Variants in TNRC18 observed in about 807,000 individuals in gnomAD.
TNRC18 encodes the protein trinucleotide repeat containing 18.
A neutral mutation model predicts 226.7 loss-of-function variants in TNRC18; 69 were observed. The observed-to-expected ratio is 0.30, with a 90% CI of 0.25 to 0.37. TNRC18 has a LOEUF of 0.37. TNRC18 is among the 10% of genes least tolerant of loss of function. The pLI is 1.00. For missense variants in TNRC18, 4,754 were observed against 4,256.6 expected, an observed-to-expected ratio of 1.12 and a Z score of -3.25; for synonymous variants, 2,449 against 1,927.6, an observed-to-expected ratio of 1.27 and a Z score of -7.09.
chr7:5,400,605 C>G (rs535122421), intron 2 of TNRC18, among the ~76,000 whole-genome samples: 1 of 152,134 alleles, frequency 6.6e-6, no homozygotes, highest in Non-Finnish European at 1.5e-5. Context: ...GAGTGAGACT[C>G]TCTCTCAAAT....
rs1162527167 is a variant in TNRC18, at chr7:5,361,841, G to A, written c.4532+56C>T. On this transcript the variant is annotated intron_variant, in intron 13 of 29. Transcript: ENST00000430969. ...ACACCTCGACGGCTGCTGCGCGCCT[G>A]GGGGCCTGGTGGGCCGGGGCAGGGG... The A allele has an allele frequency of 2.0e-6, 3 of 1,509,242 alleles. No homozygotes were observed. In the Admixed American group the frequency reaches 6.4e-5, roughly 32 times the overall value. The allele number at this position is 1,509,242 out of a possible 1,614,324, so 93.5% of individuals were successfully genotyped here.
chr7:5,399,164 A>C (rs923068912), intron 2 of TNRC18, among the ~76,000 whole-genome samples: 6 of 151,560 alleles, frequency 4.0e-5, no homozygotes, highest in Middle Eastern at 6.8e-3. Flanking sequence ...AGCAGTTGCC[A>C]TCCCCCCGTT....
In TNRC18 at chr7:5,389,174, G is replaced by A. The variant is rs1212861012; in HGVS notation, c.650C>T (p.Pro217Leu). 7.6e-7 allele frequency: 1 copy of A among 1,320,486 alleles called. No homozygotes were observed. The highest frequency in any genetic ancestry group is 9.6e-7 in the Non-Finnish European group (1 of 1,036,638). 81.8% of individuals were successfully genotyped at this position (1,320,486 alleles called of 1,614,324 possible). A position where few individuals can be genotyped will look rare whatever the true frequency, so the allele number is the denominator to read the frequency against. Residue 217 changes from proline to leucine, a missense_variant, in exon 5 of 30, where the codon CCT becomes CTT. Coordinates refer to ENST00000430969, the MANE Select transcript of TNRC18 (RefSeq NM_001080495.3). ...CGGGTCCTTCTTGCCGAAAAGCGGA[G>A]GCGGCTCCCCGCCGCGGCCCGCCCG... Reference protein sequence around the residue: ...KERAGRGGEPPPLFGKKDPRA... With the variant: ...KERAGRGGEPLPLFGKKDPRA...
Position 5,325,230 on chromosome 7 carries a change from C to A in TNRC18, c.6166G>T (p.Ala2056Ser), listed in dbSNP as rs368867399. ...GGCGGCAGCCCAGCTCCTGGCCCAG[C>A]CTCTTTCCCTTTCTTCTTCTGGAGG... ...DPRKKKKGKE[A>S]GPGAGLPPPR... The change falls in exon 20 of 30, where the codon GCT becomes TCT. Residue 2056 changes from alanine (A) to serine (S), a missense_variant. Coordinates refer to ENST00000430969, the MANE Select transcript of TNRC18 (RefSeq NM_001080495.3). The A allele has an allele frequency of 2.6e-6, 4 of 1,553,360 alleles. No individual in the cohort carries two copies. The highest frequency in any genetic ancestry group is 1.4e-5 in the African/African-American group (1 of 73,696).
At chr7:5,391,437 G>A (rs1383599672) in intron 3 of TNRC18, among the ~76,000 whole-genome samples, 1 of 151,678 alleles carries the variant, frequency 6.6e-6, no homozygotes, top group Non-Finnish European at 1.5e-5. Context: ...ACAGCCTCCT[G>A]AGGAGCTGGG....
chr7:5,418,928 AGT>A (rs1457917610), intron 2 of TNRC18, among the ~76,000 whole-genome samples: 2 of 152,268 alleles, frequency 1.3e-5, no homozygotes, highest in East Asian at 3.9e-4. Context: ...GGCTACTCGA[AGT>A]GGGGGAGGGG....
chr7:5,321,012 G>T, intron 22 of TNRC18, 61 bp downstream of exon 22: 1 of 1,234,308 alleles, frequency 8.1e-7, no homozygotes, highest in Non-Finnish European at 1.1e-6. Flanking sequence ...CACAGAGGCG[G>T]CCGGGACACG....
intron 10 of TNRC18, among the ~76,000 whole-genome samples, chr7:5,371,865 G>A (rs1794187973): frequency 6.6e-6 from 1 of 152,074 alleles, no homozygotes; most frequent in South Asian, 2.1e-4. Context: ...AAATTCAGAA[G>A]TTCAAGACCA....
chr7:5,364,734 G>C (rs2128165247), intron 11 of TNRC18, among the ~76,000 whole-genome samples: 1 of 149,706 alleles, frequency 6.7e-6, no homozygotes, highest in Non-Finnish European at 1.5e-5. Context: ...AACCCAGGAG[G>C]CAGAGGTTGC....
In TNRC18 at chr7:5,394,161, G is replaced by C. The variant is rs1562609804; in HGVS notation, c.343+279C>G. ...TCGTCACAAGCAAGTGATGGAAGTGGGTGCGGAAGAGGGGGTCTCTGAGCT... is the reference window on the plus strand; with the variant it reads ...TCGTCACAAGCAAGTGATGGAAGTGCGTGCGGAAGAGGGGGTCTCTGAGCT... On this transcript the variant is annotated intron_variant, in intron 3 of 29. Transcript: ENST00000430969. The surrounding 1 kb of genome is among the most constrained non-coding windows in gnomAD (Gnocchi z 4.5). Among the ~76,000 whole-genome samples the C allele has an allele frequency of 6.6e-6, 1 of 152,192 alleles. No individual in the cohort carries two copies. The highest frequency in any genetic ancestry group is 2.4e-5 in the African/African-American group (1 of 41,446).
rs1196321301 is a variant in TNRC18, at chr7:5,365,115, T to C, written c.4220-2290A>G. ...TCATCTCCCATTGATGGCATTTAGA[T>C]TGTTTCCTGTCTTTTCAAGATAGGG... On this transcript the variant is annotated intron_variant, in intron 11 of 29. Transcript: ENST00000430969. Among the ~76,000 whole-genome samples the C allele has an allele frequency of 3.9e-5, 6 of 152,174 alleles. No homozygotes were observed. In the South Asian group the frequency reaches 1.0e-3, roughly 26 times the overall value.
At chr7:5,384,085 C>G (rs918686442) in intron 5 of TNRC18, among the ~76,000 whole-genome samples, 1 of 151,656 alleles carries the variant, frequency 6.6e-6, no homozygotes, top group African/African-American at 2.4e-5. Flanking sequence ...CTGCCTCAGC[C>G]TCTCAAGTAG....
intron 5 of TNRC18, among the ~76,000 whole-genome samples, chr7:5,378,581 G>A (rs911785316): frequency 2.6e-5 from 4 of 151,722 alleles, no homozygotes; most frequent in African/African-American, 4.8e-5. Context: ...ACCACGCCCC[G>A]CTAGTTTTTT....
intron 5 of TNRC18, among the ~76,000 whole-genome samples, chr7:5,386,350 G>A (rs1322756282): frequency 6.6e-6 from 1 of 152,032 alleles, no homozygotes; most frequent in Non-Finnish European, 1.5e-5. Flanking sequence ...GCCAAGGCAG[G>A]CGGATCATCT....
chr7:5,314,967 G>T lies in TNRC18; in HGVS notation c.7027+17C>A. 6.2e-7 allele frequency: 1 copy of T among 1,600,200 alleles called. No homozygotes were observed. ...AGATCCGCCCACCGCCCTGCCCTGG[G>T]GACCAGGCCAACCTACCACCCTTGG... On this transcript the variant is annotated intron_variant, in intron 26 of 29. Transcript: ENST00000430969.
chr7:5,308,390 GAGAC>G (rs1158909951), intron 29 of TNRC18, 78 bp from the exon 30 acceptor site: 31 of 1,355,142 alleles, frequency 2.3e-5, no homozygotes, highest in Non-Finnish European at 3.0e-5. Flanking sequence ...CACAGGGACA[GAGAC>G]AGAAGCAGAG....
chr7:5,421,090 T>A lies in TNRC18; in HGVS notation c.157A>T (p.Met53Leu), dbSNP rs112415716. ...TGCGGATGGAGATTCAGGCCGGCCA[T>A]GTACTTCCCGGGCGGCAGCGGGCCG... ...LPGPLPPGKY[M>L]AGLNLHPHPG... Residue 53 changes from methionine (M) to leucine (L), a missense_variant, in exon 2 of 30, where the codon ATG becomes TTG. Physicochemically the swap from Met to Leu is conservative, Grantham distance 15. Transcript: ENST00000430969. 1 of 1,488,792 alleles carries A rather than the reference T, an allele frequency of 6.7e-7. No homozygotes were observed. The highest frequency in any genetic ancestry group is 9.0e-7 in the Non-Finnish European group (1 of 1,110,110). The allele number at this position is 1,488,792 out of a possible 1,614,324, so 92.2% of individuals were successfully genotyped here. A position where few individuals can be genotyped will look rare whatever the true frequency, so the allele number is the denominator to read the frequency against.
In TNRC18 at chr7:5,377,316, G is replaced by GCCCCCA; in HGVS notation, c.2461+54_2461+55insTGGGGG. On this transcript the variant is annotated intron_variant, in intron 7 of 29. Transcript: ENST00000430969. The surrounding 1 kb of genome is among the most constrained non-coding windows in gnomAD (Gnocchi z 5.8). ...AGCCCTGAGCTCTTGTCCTGCACCC[G>GCCCCCA]CCCCCTCCCACCCCTCCCTCAGAGA... is the stretch of plus-strand genomic sequence containing the variant. 2.2e-6 allele frequency: 1 copy of GCCCCCA among 453,412 alleles called. No homozygotes were observed. Among genetic ancestry groups the GCCCCCA allele is most frequent in the Non-Finnish European group, 4.2e-6 (1 of 240,314 alleles). The allele number at this position is 453,412 out of a possible 1,614,324, so 28.1% of individuals were successfully genotyped here.
Position 5,388,798 on chromosome 7 carries a change from G to A in TNRC18, c.1026C>T (p.Pro342=), listed in dbSNP as rs1040096137. 2.5e-5 allele frequency: 30 copies of A among 1,199,332 alleles called. No individual in the cohort carries two copies. The highest frequency in any genetic ancestry group is 2.8e-5 in the Non-Finnish European group (27 of 966,028). The allele number at this position is 1,199,332 out of a possible 1,614,324, so 74.3% of individuals were successfully genotyped here. The part of the protein sequence containing the change: ...PSPLPPPPAP[P]KGPPAPPAAT... ...CCGCGGGGGGTGCAGGAGGCCCCTT[G>A]GGGGGCGCGGGCGGCGGGGGCAGCG... The change falls in exon 5 of 30, where the codon CCC becomes CCT. Residue 342 remains proline, a synonymous_variant. Transcript: ENST00000430969.
Sources: gnomAD v4.1 joint callset for allele counts (sites outside exome capture counted in the v4.1 genomes callset) on GRCh38, gnomAD v4.1.1 for gene constraint, Gnocchi (gnomAD v3.1) non-coding constraint, MANE v1.5 for transcripts, NCBI Gene and HGNC (gene_info 2026-07-23, HGNC 2026-07-21) for gene names.